The following PRX variants were observed in gnomAD, a reference collection of about 807,000 sequenced individuals.
PRX encodes periaxin.
PRX carries 24 observed loss-of-function variants against 29.6 expected under a neutral mutation model. The ratio of observed to expected loss-of-function variants is 0.81; its 90% CI spans 0.59 to 1.14. The LOEUF (loss-of-function observed/expected upper bound fraction) is 1.14, where lower values mean the gene tolerates loss of function less well. Ranked by LOEUF, PRX falls within the 50% of genes most tolerant of loss-of-function variation. PRX has a pLI of 0.00. For missense variants in PRX, 1,838 were observed against 1,926.4 expected (o/e 0.95, Z 0.86); for synonymous variants, 772 against 831.7 (o/e 0.93, Z 1.24).
chr19:40,397,593 G>T lies in PRX; in HGVS notation c.759C>A (p.Ala253=), dbSNP rs2079453299. 3.2e-6 allele frequency: 5 copies of T among 1,542,038 alleles called. No individual in the cohort carries two copies. The highest frequency in any genetic ancestry group is 4.4e-6 in the Non-Finnish European group (5 of 1,148,414). The part of the protein sequence containing the change: ...GAEVGVPQVS[A]PKAAPSAEAA... ...CCTCTGCTGAGGGGGCAGCCTTGGG[G>T]GCTGAGACCTGGGGGACACCCACCT... The change falls in exon 7 of 7, where the codon GCC becomes GCA. Residue 253 remains alanine (A), a synonymous_variant. Coordinates refer to ENST00000324001, the MANE Select transcript of PRX (RefSeq NM_181882.3).
At position 40,397,690 on chromosome 19, in the gene PRX, G is replaced by T; in HGVS notation, c.662C>A (p.Ala221Asp). 2 of 1,560,800 alleles carry T rather than the reference G, an allele frequency of 1.3e-6. No homozygotes were observed. The highest frequency in any genetic ancestry group is 2.3e-5 in the East Asian group (1 of 43,016). ...APPPRKAKVEAEVAAGARFTA... is the reference protein window; with the variant it reads ...APPPRKAKVEDEVAAGARFTA... ...GAAACGAGCTCCTGCAGCCACCTCAGCCTCCACCTTGGCTTTCCTGGGGGG... is the reference window on the plus strand; with the variant it reads ...GAAACGAGCTCCTGCAGCCACCTCATCCTCCACCTTGGCTTTCCTGGGGGG... Residue 221 changes from alanine to aspartate, a missense_variant, in exon 7 of 7, where the codon GCT becomes GAT. Ala to Asp is a moderately radical substitution (Grantham distance 126, BLOSUM62 -2). This residue lies in a region of PRX where 666 missense variants were observed against 665.0 expected (regional missense o/e 1.00). Coordinates refer to ENST00000324001, the MANE Select transcript of PRX (RefSeq NM_181882.3).
chr19:40,408,791 C>T (rs1371166438), intron 1 of PRX, among the ~76,000 whole-genome samples: 1 of 147,498 alleles, frequency 6.8e-6, no homozygotes, highest in Non-Finnish European at 1.5e-5. Context: ...CCACAACACC[C>T]GGCTACGTTT....
Position 40,396,937 on chromosome 19 carries a change from T to C in PRX, c.1415A>G (p.Lys472Arg), listed in dbSNP as rs879923664. ...EVRLPEVELP[K>R]VSEMKLPKVP... ...CTTTGGGAGTTTCATCTCTGACACC[T>C]TGGGGAGCTCCACCTCTGGGAGTCG... Residue 472 changes from lysine (K) to arginine (R), a missense_variant, in exon 7 of 7, where the codon AAG becomes AGG. Around this residue, in one of 3 missense-constraint regions of PRX, gnomAD observed 666 missense variants for 665.0 expected, o/e 1.00. Coordinates refer to ENST00000324001, the MANE Select transcript of PRX (RefSeq NM_181882.3). 3.7e-6 allele frequency: 6 copies of C among 1,614,086 alleles called. No homozygotes were observed. Among genetic ancestry groups the C allele is most frequent in the Admixed American group, 1.7e-5 (1 of 60,012 alleles).
rs764004836 is a variant in PRX, at chr19:40,396,965, C to A, written c.1387G>T (p.Val463Phe). ...PKVPEAALPE[V>F]RLPEVELPKV... The stretch of plus-strand genomic sequence containing the variant: ...GGGAGCTCCACCTCTGGGAGTCGAA[C>A]CTCTGGAAGGGCTGCCTCGGGCACT... Residue 463 changes from valine (V) to phenylalanine (F), a missense_variant, in exon 7 of 7, where the codon GTT (valine) becomes TTT (phenylalanine). Transcript: ENST00000324001. The A allele has an allele frequency of 5.8e-5, 93 of 1,614,018 alleles. No individual in the cohort carries two copies. Among genetic ancestry groups the A allele is most frequent in the African/African-American group, 8.0e-5 (6 of 74,906 alleles).
chr19:40,403,544 GC>G (rs1487210970), intron 5 of PRX, among the ~76,000 whole-genome samples, 161 bp downstream of exon 5: 2 of 152,122 alleles, frequency 1.3e-5, no homozygotes, highest in Non-Finnish European at 2.9e-5. Context: ...TCCGGAATTT[GC>G]TGTGAACAGT....
rs879254072 is a variant in PRX, at chr19:40,397,867, T to G, written c.485A>C (p.Lys162Thr). The G allele has an allele frequency of 5.0e-6, 8 of 1,608,794 alleles. No individual in the cohort carries two copies. The highest frequency in any genetic ancestry group is 1.3e-5 in the African/African-American group (1 of 74,860). Residue 162 changes from lysine (K) to threonine (T), a missense_variant, in exon 7 of 7, where the codon AAG becomes ACG. Lys to Thr is a moderately conservative substitution (Grantham distance 78, BLOSUM62 -1). Around this residue, in one of 3 missense-constraint regions of PRX, gnomAD observed 666 missense variants for 665.0 expected, o/e 1.00. Coordinates refer to ENST00000324001, the MANE Select transcript of PRX (RefSeq NM_181882.3). The stretch of plus-strand genomic sequence containing the variant: ...GAGGCCCCGACGCAGGCGGGAGAAC[T>G]TGGGAAAGGAGAACTCGACGTCAAC... ...APVDVEFSFP[K>T]FSRLRRGLKA...
Position 40,397,679 on chromosome 19 carries a change from C to T in PRX, c.673G>A (p.Ala225Thr). 3 of 1,556,928 alleles carry T rather than the reference C, an allele frequency of 1.9e-6. No individual in the cohort carries two copies. Among genetic ancestry groups the T allele is most frequent in the Admixed American group, 1.9e-5 (1 of 52,704 alleles). ...RKAKVEAEVA[A>T]GARFTAPQVE... ...TGAGGGGCTGTGAAACGAGCTCCTG[C>T]AGCCACCTCAGCCTCCACCTTGGCT... is the stretch of plus-strand genomic sequence containing the variant. Residue 225 changes from alanine to threonine, a missense_variant, in exon 7 of 7, where the codon GCA (alanine) becomes ACA (threonine). This residue lies in a region of PRX where 666 missense variants were observed against 665.0 expected (regional missense o/e 1.00). Transcript: ENST00000324001.
intron 2 of PRX, 42 bp from the exon 3 acceptor site, chr19:40,408,298 G>A (rs764637834): frequency 6.4e-5 from 28 of 438,468 alleles, no homozygotes; most frequent in Admixed American, 5.3e-4. Context: ...AGGCAGGCGA[G>A]GAAGGGGTGG....
At chr19:40,406,771 C>CTTTTTTT (rs59493934) in intron 4 of PRX, among the ~76,000 whole-genome samples, 4 of 121,370 alleles carry the variant, frequency 3.3e-5, no homozygotes, top group Admixed American at 8.8e-5. Context: ...ACCTCCATTT[C>CTTTTTTT]TTTTTTTTTT....
chr19:40,394,038 G>A lies in PRX; in HGVS notation c.4314C>T (p.Pro1438=). 1.2e-6 allele frequency: 2 copies of A among 1,613,096 alleles called. No individual in the cohort carries two copies. Among genetic ancestry groups the A allele is most frequent in the South Asian group, 2.2e-5 (2 of 91,038 alleles). The change falls in exon 7 of 7, where the codon CCC becomes CCT. Residue 1438 remains proline, a synonymous_variant. Transcript: ENST00000324001. This position sits in a 1 kb window ranked among gnomAD's most constrained non-coding sequence, Gnocchi z 5.8. ...QEEGGLRVRL[P]SVGFSETGAP... is the part of the protein sequence containing the mutation. The stretch of plus-strand genomic sequence containing the variant: ...CCCCTGTCTCTGAAAACCCCACGCT[G>A]GGCAGCCGCACCCGCAATCCACCCT...
In PRX at chr19:40,397,906, G is replaced by C; in HGVS notation, c.446C>G (p.Ala149Gly). The C allele has an allele frequency of 6.2e-7, 1 of 1,612,818 alleles. No homozygotes were observed. The highest frequency in any genetic ancestry group is 8.5e-7 in the Non-Finnish European group (1 of 1,179,490). The stretch of plus-strand genomic sequence containing the variant: ...CTCGACGTCAACAGGGGCCAGGTCA[G>C]CGGGGACCCCCAGAGCCCCAGGCAC... The part of the protein sequence containing the change: ...KMVPGALGVP[A>G]DLAPVDVEFS... Residue 149 changes from alanine (A) to glycine (G), a missense_variant, in exon 7 of 7, where the codon GCT becomes GGT. By Grantham distance (60) the Ala-to-Gly change is moderately conservative. This residue lies in a region of PRX where 666 missense variants were observed against 665.0 expected (regional missense o/e 1.00). Coordinates refer to ENST00000324001, the MANE Select transcript of PRX (RefSeq NM_181882.3).
rs537699825 is a variant in PRX, at chr19:40,393,924, G to C, written c.*42C>G. 28 of 1,603,432 alleles carry C rather than the reference G, an allele frequency of 1.7e-5. No homozygotes were observed. Among genetic ancestry groups the C allele is most frequent in the Non-Finnish European group, 2.4e-5 (28 of 1,179,598 alleles). On this transcript the variant is annotated 3_prime_UTR_variant, in exon 7 of 7. Transcript: ENST00000324001. ...TCACACACACAACAGCGAGGGGGTA[G>C]AGAAAGGAAGGCAAGAAGGGATCCC... is the stretch of plus-strand genomic sequence containing the variant.
chr19:40,398,560 C>A lies in PRX; in HGVS notation c.381+60G>T, dbSNP rs1255674903. ...CCACGATGGCGGGGAATGGGGCTCA[C>A]GGCGCAGAGACCGGATCGCTGGGGC... On this transcript the variant is annotated intron_variant, in intron 6 of 6. Transcript: ENST00000324001. This position sits in a 1 kb window ranked among gnomAD's most constrained non-coding sequence, Gnocchi z 6.3. The A allele has an allele frequency of 1.2e-6, 2 of 1,602,540 alleles. No homozygotes were observed. Among genetic ancestry groups the A allele is most frequent in the Admixed American group, 3.3e-5 (2 of 59,720 alleles).
In PRX at chr19:40,397,325, C is replaced by T; in HGVS notation, c.1027G>A (p.Glu343Lys). The change falls in exon 7 of 7, where the codon GAG (glutamate) becomes AAG (lysine). Residue 343 changes from glutamate to lysine, a missense_variant. Physicochemically the swap from Glu to Lys is moderately conservative, Grantham distance 56 (BLOSUM62 1). Around this residue, in one of 3 missense-constraint regions of PRX, gnomAD observed 666 missense variants for 665.0 expected, o/e 1.00. Transcript: ENST00000324001. ...VGVDLALPGA[E>K]VEARGEAPEV... Reference sequence around the variant, plus strand: ...GGTGCCTCTCCCCGGGCCTCCACCTCTGCACCCGGCAAGGCCAGGTCCACC... The same window carrying T: ...GGTGCCTCTCCCCGGGCCTCCACCTTTGCACCCGGCAAGGCCAGGTCCACC... 6.2e-7 allele frequency: 1 copy of T among 1,613,170 alleles called. No individual in the cohort carries two copies. Among genetic ancestry groups the T allele is most frequent in the South Asian group, 1.1e-5 (1 of 91,090 alleles).
Position 40,403,693 on chromosome 19 carries a change from C to G in PRX, c.184+13G>C. On this transcript the variant is annotated intron_variant, in intron 5 of 6. Transcript: ENST00000324001. The stretch of plus-strand genomic sequence containing the variant: ...CGCAGTTCGACCCCGCCCCACACCC[C>G]GGGCCCGCCCACCTTCCTGCAGGCT... The G allele has an allele frequency of 6.5e-7, 1 of 1,542,656 alleles. No homozygotes were observed.
chr19:40,404,272 C>T (rs1463995269), intron 4 of PRX, among the ~76,000 whole-genome samples: 2 of 152,100 alleles, frequency 1.3e-5, no homozygotes, highest in African/African-American at 4.8e-5. Context: ...CTGGCCTCTC[C>T]GAGGCCCTGG....
intron 5 of PRX, among the ~76,000 whole-genome samples, 153 bp downstream of exon 5, chr19:40,403,549 GAACA>G (rs2079510397): frequency 6.6e-6 from 1 of 152,080 alleles, no homozygotes; most frequent in Non-Finnish European, 1.5e-5. Context: ...AATTTGCTGT[GAACA>G]GTCAGCAAAG....
Position 40,398,230 on chromosome 19 carries a change from C to T in PRX, c.382-260G>A, listed in dbSNP as rs2145733506. The T allele has an allele frequency of 2.1e-6, 3 of 1,415,006 alleles. No individual in the cohort carries two copies. Among genetic ancestry groups the T allele is most frequent in the Non-Finnish European group, 1.8e-6 (2 of 1,090,310 alleles). The allele number at this position is 1,415,006 out of a possible 1,614,324, so 87.7% of individuals were successfully genotyped here. A position where few individuals can be genotyped will look rare whatever the true frequency, so the allele number is the denominator to read the frequency against. On this transcript the variant is annotated intron_variant, in intron 6 of 6. Transcript: ENST00000324001. This position sits in a 1 kb window ranked among gnomAD's most constrained non-coding sequence, Gnocchi z 6.3. Reference sequence around the variant, plus strand: ...TTCTAGATCCTGATCCGGGATTTTCCCCAACATCCTCATTCTAGAGATGGG... The same window carrying T: ...TTCTAGATCCTGATCCGGGATTTTCTCCAACATCCTCATTCTAGAGATGGG...
At chr19:40,401,287 TTTG>T (rs67018459) in intron 5 of PRX, among the ~76,000 whole-genome samples, 27,643 of 151,948 alleles carry the variant, frequency 0.18, 2,627 homozygotes, top group Non-Finnish European at 0.2. Context: ...TATTCTACTG[TTTG>T]TTGTTGTTGG....
Sources: allele counts gnomAD v4.1 joint callset (sites outside exome capture counted in the v4.1 genomes callset), GRCh38; gene constraint gnomAD v4.1.1; regional missense constraint gnomAD v4.1.1; non-coding constraint Gnocchi (gnomAD v3.1); transcripts MANE v1.5; gene names NCBI Gene and HGNC (gene_info 2026-07-23, HGNC 2026-07-21).